The following ADCY1 variants were observed in gnomAD, a reference collection of about 807,000 sequenced individuals.
ADCY1 encodes adenylate cyclase 1.
Under a neutral mutation model 105.4 loss-of-function variants are expected in ADCY1, and 28 were observed. The ratio of observed to expected loss-of-function variants is 0.27; its 90% CI spans 0.20 to 0.36. ADCY1 has a LOEUF of 0.36. ADCY1 is among the 10% of genes least tolerant of loss of function. ADCY1 has a pLI of 1.00. For synonymous variants in ADCY1, 655 were observed against 623.8 expected, an observed-to-expected ratio of 1.05 and a Z score of -0.75; for missense variants, 977 against 1,434.2, an observed-to-expected ratio of 0.68 and a Z score of 5.15.
At chr7:45,691,589 T>C (rs937661398) in intron 14 of ADCY1, among the ~76,000 whole-genome samples, 1 of 152,204 alleles carries the variant, frequency 6.6e-6, no homozygotes, top group Non-Finnish European at 1.5e-5. Flanking sequence ...CTGTAAACTC[T>C]TGTATGCTTT....
chr7:45,593,992 C>G (rs1793001548), intron 2 of ADCY1, among the ~76,000 whole-genome samples: 1 of 152,088 alleles, frequency 6.6e-6, no homozygotes, highest in Non-Finnish European at 1.5e-5. Flanking sequence ...TGTGGAGATG[C>G]ATGTGTGGAT....
intron 1 of ADCY1, among the ~76,000 whole-genome samples, chr7:45,587,404 C>T (rs958848750): frequency 2.6e-5 from 4 of 152,182 alleles, no homozygotes; most frequent in African/African-American, 9.7e-5. Flanking sequence ...GGGACTTTGA[C>T]TACAGCCTGA....
At position 45,686,763 on chromosome 7, in the gene ADCY1, AC is replaced by A; in HGVS notation, c.2454+93del. The A allele has an allele frequency of 2.0e-6, 3 of 1,496,894 alleles. No individual in the cohort carries two copies. Among genetic ancestry groups the A allele is most frequent in the Non-Finnish European group, 2.7e-6 (3 of 1,121,872 alleles). The allele number at this position is 1,496,894 out of a possible 1,614,324, so 92.7% of individuals were successfully genotyped here. On this transcript the variant is annotated intron_variant, in intron 14 of 19. Transcript: ENST00000297323. This position sits in a 1 kb window ranked among gnomAD's most constrained non-coding sequence, Gnocchi z 4.3. ...GCATCTGACGGGGGCTGCCACAGAC[AC>A]CCACACGCCGTATGGCCCTCGGAGG... is the stretch of plus-strand genomic sequence containing the variant.
intron 5 of ADCY1, among the ~76,000 whole-genome samples, chr7:45,652,530 T>A (rs1247375671): frequency 6.6e-6 from 1 of 152,218 alleles, no homozygotes; most frequent in African/African-American, 2.4e-5. Flanking sequence ...GTGGGAAAGA[T>A]CTTGTTTTAT....
At chr7:45,677,193 A>AGT (rs768469351) in intron 8 of ADCY1, among the ~76,000 whole-genome samples, 6 of 152,176 alleles carry the variant, frequency 3.9e-5, no homozygotes, top group Non-Finnish European at 7.3e-5. Flanking sequence ...AATAAAAACA[A>AGT]GTGTGTTCAT....
intron 1 of ADCY1, among the ~76,000 whole-genome samples, chr7:45,590,219 C>A (rs1792871616): frequency 6.7e-6 from 1 of 148,376 alleles, no homozygotes; most frequent in South Asian, 2.1e-4. Context: ...TATGTCCCCA[C>A]CCCCCCATGG....
chr7:45,663,361 C>T (rs995407619), intron 8 of ADCY1, among the ~76,000 whole-genome samples: 1 of 152,208 alleles, frequency 6.6e-6, no homozygotes, highest in African/African-American at 2.4e-5. Context: ...GAATGTCTTA[C>T]AAAGGCTCTT....
At chr7:45,597,934 G>T (rs1793122433) in intron 2 of ADCY1, among the ~76,000 whole-genome samples, 2 of 152,104 alleles carry the variant, frequency 1.3e-5, no homozygotes, top group South Asian at 4.2e-4. Flanking sequence ...GGGGGGATTT[G>T]AATGAGCTAA....
chr7:45,627,078 A>G (rs910251205), intron 4 of ADCY1, among the ~76,000 whole-genome samples: 1 of 152,202 alleles, frequency 6.6e-6, no homozygotes, highest in African/African-American at 2.4e-5. Context: ...GTTTGGCTGC[A>G]CTATGCAACA....
At chr7:45,675,572 T>G (rs578004990) in intron 8 of ADCY1, among the ~76,000 whole-genome samples, 32 of 152,224 alleles carry the variant, frequency 2.1e-4, no homozygotes, top group African/African-American at 7.7e-4. Context: ...CTCTCAACTT[T>G]CCTTTATCTA....
chr7:45,615,235 A>G (rs1193282205), intron 3 of ADCY1, among the ~76,000 whole-genome samples: 1 of 152,250 alleles, frequency 6.6e-6, no homozygotes, highest in African/African-American at 2.4e-5. Flanking sequence ...AAATTCATAA[A>G]TGTGTTGAAA....
intron 11 of ADCY1, among the ~76,000 whole-genome samples, chr7:45,682,140 G>A (rs1784570664): frequency 6.6e-6 from 1 of 152,178 alleles, no homozygotes; most frequent in African/African-American, 2.4e-5. Context: ...AAAGTCTGTG[G>A]AGCAGAGCCT....
intron 14 of ADCY1, among the ~76,000 whole-genome samples, chr7:45,696,601 G>T (rs1245737896): frequency 6.6e-6 from 1 of 152,178 alleles, no homozygotes; most frequent in Non-Finnish European, 1.5e-5. Flanking sequence ...GGGAGCTTGT[G>T]CTGGCAACAC....
intron 5 of ADCY1, 83 bp downstream of exon 5, chr7:45,648,880 T>C: frequency 1.3e-6 from 2 of 1,542,326 alleles, no homozygotes; most frequent in Non-Finnish European, 1.8e-6. Flanking sequence ...TTCTGCCCCA[T>C]GTGGGCTCCC....
At chr7:45,690,804 A>C (rs1170766980) in intron 14 of ADCY1, among the ~76,000 whole-genome samples, 1 of 152,252 alleles carries the variant, frequency 6.6e-6, no homozygotes, top group Non-Finnish European at 1.5e-5. Context: ...CTGGCTATCC[A>C]GGGTGATCCA....
intron 12 of ADCY1, 69 bp downstream of exon 12, chr7:45,685,137 G>A (rs1784640928): frequency 2.1e-6 from 3 of 1,437,380 alleles, no homozygotes; most frequent in East Asian, 2.3e-5. Flanking sequence ...CAGCCCAGAA[G>A]CCAGGACCCA....
chr7:45,653,457 A>C (rs1271097513), intron 5 of ADCY1, among the ~76,000 whole-genome samples: 2 of 152,236 alleles, frequency 1.3e-5, no homozygotes, highest in African/African-American at 4.8e-5. Context: ...CCCAGACTGC[A>C]GGGACACAGG....
chr7:45,592,733 C>T, intron 1 of ADCY1, 26 bp from the exon 2 acceptor site: 2 of 1,613,500 alleles, frequency 1.2e-6, no homozygotes, highest in Non-Finnish European at 1.7e-6. Flanking sequence ...TCAGGCTCCA[C>T]ATGTTGCCTC....
At chr7:45,611,951 T>C (rs535828485) in intron 3 of ADCY1, among the ~76,000 whole-genome samples, 4 of 152,332 alleles carry the variant, frequency 2.6e-5, no homozygotes, top group African/African-American at 9.6e-5. Context: ...CACCACAGAC[T>C]GGGTCCCTGC....
Sources: allele counts gnomAD v4.1 joint callset (sites outside exome capture counted in the v4.1 genomes callset), GRCh38; gene constraint gnomAD v4.1.1; non-coding constraint Gnocchi (gnomAD v3.1); transcripts MANE v1.5; gene names NCBI Gene and HGNC (gene_info 2026-07-23, HGNC 2026-07-21).